The following CAPN13 variants were observed in gnomAD, a reference collection of about 807,000 sequenced individuals.
CAPN13 encodes the protein calpain 13.
Under a neutral mutation model 98.4 loss-of-function variants are expected in CAPN13, and 90 were observed. The observed-to-expected ratio is 0.92, with a 90% CI of 0.77 to 1.09. The LOEUF is 1.09. Ranked by LOEUF, CAPN13 falls within the 50% of genes least tolerant of loss-of-function variation. The probability of loss-of-function intolerance (pLI) is 0.00; values close to 1 mark genes in which losing one functional copy is unlikely to be tolerated. For missense variants in CAPN13, 887 were observed against 841.3 expected, an observed-to-expected ratio of 1.05 and a Z score of -0.67; for synonymous variants, 330 against 305.5, an observed-to-expected ratio of 1.08 and a Z score of -0.84.
intron 8 of CAPN13, among the ~76,000 whole-genome samples, chr2:30,756,462 G>A (rs1011049112): frequency 6.6e-6 from 1 of 152,166 alleles, no homozygotes; most frequent in African/African-American, 2.4e-5. Context: ...AAATCCTGGT[G>A]TCCCCTGTTG....
At chr2:30,737,803 A>G (rs1219484616) in intron 17 of CAPN13, 5 of 210,686 alleles carry the variant, frequency 2.4e-5, no homozygotes, top group Non-Finnish European at 3.9e-5. Context: ...AGGTTAGAGC[A>G]TCGACTTTGG....
At chr2:30,761,416 C>G (rs78542692) in intron 7 of CAPN13, among the ~76,000 whole-genome samples, 2 of 152,154 alleles carry the variant, frequency 1.3e-5, no homozygotes, top group African/African-American at 2.4e-5. Context: ...CTTGGACTCC[C>G]GAGCTCCCCT....
At chr2:30,799,351 G>A (rs919717162) in intron 1 of CAPN13, among the ~76,000 whole-genome samples, 1 of 152,198 alleles carries the variant, frequency 6.6e-6, no homozygotes, top group Non-Finnish European at 1.5e-5. Flanking sequence ...GAACTTAACC[G>A]CCAGACCAGT....
Position 30,743,057 on chromosome 2 carries a change from C to G in CAPN13, c.1445+326G>C, listed in dbSNP as rs970685984. On this transcript the variant is annotated intron_variant, in intron 13 of 22. Coordinates refer to ENST00000295055, the MANE Select transcript of CAPN13 (RefSeq NM_144575.3). ...GGCTACCATCGCCTTCCCTTTTAAA[C>G]TATTAAATTATGTTTTTCTTCAAAG... 3.9e-5 allele frequency: 13 copies of G among 329,498 alleles called. No individual in the cohort carries two copies. The Admixed American group carries it at 4.6e-4, about 12-fold the overall frequency. The allele number at this position is 329,498 out of a possible 1,614,324, so 20.4% of individuals were successfully genotyped here. A position where few individuals can be genotyped will look rare whatever the true frequency, so the allele number is the denominator to read the frequency against.
chr2:30,738,365 AG>A, intron 16 of CAPN13, 34 bp downstream of exon 16: 1 of 1,611,950 alleles, frequency 6.2e-7, no homozygotes, highest in South Asian at 1.1e-5. Context: ...AGCAGGGAGG[AG>A]GATGGGGCCA....
intron 22 of CAPN13, among the ~76,000 whole-genome samples, chr2:30,726,779 A>T (rs750630315): frequency 6.6e-6 from 1 of 152,170 alleles, no homozygotes; most frequent in African/African-American, 2.4e-5. Flanking sequence ...GAAGATGGCA[A>T]TATTCCCCAG....
Position 30,743,526 on chromosome 2 carries a change from G to C in CAPN13, c.1302C>G (p.Val434=). Residue 434 remains valine (V), a synonymous_variant, in exon 13 of 23, where the codon GTC becomes GTG. Coordinates refer to ENST00000295055, the MANE Select transcript of CAPN13 (RefSeq NM_144575.3). ...PVFFSSFRNT[V]QSSNNKFRRN... ...GGCGGAATTTATTATTTGAGCTTTG[G>C]ACAGTGTTTCTGAACGAGGAAAAAA... 6.2e-7 allele frequency: 1 copy of C among 1,613,910 alleles called. No individual in the cohort carries two copies. The highest frequency in any genetic ancestry group is 8.5e-7 in the Non-Finnish European group (1 of 1,179,882).
chr2:30,758,706 C>A (rs1321247228), intron 7 of CAPN13, among the ~76,000 whole-genome samples: 1 of 152,068 alleles, frequency 6.6e-6, no homozygotes, highest in African/African-American at 2.4e-5. Flanking sequence ...TGATGAGACA[C>A]CTTGGTCTGA....
intron 5 of CAPN13, 71 bp from the exon 6 acceptor site, chr2:30,764,377 T>G (rs1673007227): frequency 6.6e-7 from 1 of 1,519,086 alleles, no homozygotes; most frequent in African/African-American, 1.4e-5. Context: ...GCTTGTGCAC[T>G]GATCCTCTGC....
At chr2:30,771,018 C>T (rs1017364251) in intron 4 of CAPN13, among the ~76,000 whole-genome samples, 1 of 152,200 alleles carries the variant, frequency 6.6e-6, no homozygotes, top group African/African-American at 2.4e-5. Flanking sequence ...TGACAGCCTC[C>T]CTCTGGCCCC....
intron 8 of CAPN13, among the ~76,000 whole-genome samples, chr2:30,755,927 C>A (rs1238465118): frequency 6.6e-6 from 1 of 151,802 alleles, no homozygotes; most frequent in East Asian, 1.9e-4. Flanking sequence ...GAGATTAGAC[C>A]ATCCGGTGCT....
intron 7 of CAPN13, among the ~76,000 whole-genome samples, chr2:30,759,787 T>C (rs1459267920): frequency 6.6e-6 from 1 of 152,048 alleles, no homozygotes; most frequent in Non-Finnish European, 1.5e-5. Flanking sequence ...TGAGTAAAGG[T>C]TCGTTCTTGG....
At chr2:30,796,192 A>ATG (rs759372188) in intron 1 of CAPN13, among the ~76,000 whole-genome samples, 18 of 139,368 alleles carry the variant, frequency 1.3e-4, no homozygotes, top group African/African-American at 5.1e-4. Flanking sequence ...ATACATATAT[A>ATG]TGTGTGTGTA....
intron 7 of CAPN13, among the ~76,000 whole-genome samples, chr2:30,758,955 C>CT (rs1211923984): frequency 8.9e-6 from 1 of 112,494 alleles, no homozygotes; most frequent in Non-Finnish European, 1.8e-5. Flanking sequence ...CCTTTCTTCC[C>CT]TCCTTCCTTC....
rs149561279 is a variant in CAPN13 at position 30,802,402 on chromosome 2, C to G, written c.-33+4900G>C. ...AATGTTTTTCAAAAACAAGAGCTTT[C>G]TATATTAAATATGTCAAAAAGCAAC... On this transcript the variant is annotated intron_variant, in intron 1 of 22. Coordinates refer to ENST00000295055, the MANE Select transcript of CAPN13 (RefSeq NM_144575.3). 1.8e-3 allele frequency among the ~76,000 whole-genome samples: 274 copies of G among 151,836 alleles called. 1 individual carries two copies. Among genetic ancestry groups the G allele is most frequent in the African/African-American group, 6.4e-3 (264 of 41,356 alleles).
intron 5 of CAPN13, among the ~76,000 whole-genome samples, chr2:30,769,452 G>T (rs1363757283): frequency 1.3e-5 from 2 of 152,112 alleles, no homozygotes; most frequent in Admixed American, 6.5e-5. Flanking sequence ...TATTGATTAT[G>T]GAAAGTTTGA....
At position 30,741,726 on chromosome 2, in the gene CAPN13, C is replaced by T. The variant is rs192288497; in HGVS notation, c.1536+182G>A. ...CCGGATGACACTGGGTGGGGCGCCA[C>T]GTCTCTACCGAGCTTGGCAGCCACA... On this transcript the variant is annotated intron_variant, in intron 15 of 22. Coordinates refer to ENST00000295055, the MANE Select transcript of CAPN13 (RefSeq NM_144575.3). 8.8e-4 allele frequency: 1,272 copies of T among 1,449,224 alleles called. 2 individuals carry two copies. The highest frequency in any genetic ancestry group is 1.1e-3 in the Non-Finnish European group (1,221 of 1,102,518). 89.8% of individuals were successfully genotyped at this position (1,449,224 alleles called of 1,614,324 possible).
chr2:30,742,449 A>G (rs2147969929), intron 13 of CAPN13, 90 bp from the exon 14 acceptor site: 1 of 1,412,588 alleles, frequency 7.1e-7, no homozygotes, highest in Non-Finnish European at 9.8e-7. Flanking sequence ...GGCACTGGAT[A>G]TTGATGCCAA....
At chr2:30,770,487 G>A in intron 4 of CAPN13, 38 bp from the exon 5 acceptor site, 1 of 1,603,268 alleles carries the variant, frequency 6.2e-7, no homozygotes, top group Non-Finnish European at 8.5e-7. Flanking sequence ...ACAGAGTTGA[G>A]GCAGAAGGGA....
Sources: allele counts gnomAD v4.1 joint callset (sites outside exome capture counted in the v4.1 genomes callset), GRCh38; gene constraint gnomAD v4.1.1; transcripts MANE v1.5; gene names NCBI Gene and HGNC (gene_info 2026-07-23, HGNC 2026-07-21).